Variants in OR8B2 observed in about 807,000 individuals in gnomAD.
The protein encoded by OR8B2 is olfactory receptor family 8 subfamily B member 2, also known as olfactory receptor 8B2.
For synonymous variants in OR8B2, 98 were observed against 138.2 expected (o/e 0.71, Z 2.04); for missense variants, 304 against 379.6 (o/e 0.80, Z 1.65).
the OR8B2 span, chr11:124,395,731 C>A: frequency 6.6e-6 from 1 of 152,154 alleles, no homozygotes; most frequent in Non-Finnish European, 1.5e-5. Context: ...TGTATTATTT[C>A]TCTAATCATC....
chr11:124,384,564 G>A (rs1860662929), upstream of OR8B2: 1 of 152,162 alleles, frequency 6.6e-6, no homozygotes, highest in East Asian at 1.9e-4. Flanking sequence ...ATTCTGAGGT[G>A]TAGATCAAAC....
chr11:124,396,547 G>A, the OR8B2 span: 2 of 1,613,640 alleles, frequency 1.2e-6, no homozygotes, highest in South Asian at 1.1e-5. Context: ...ACTTTTCCCT[G>A]CTCCATAGAT....
upstream of OR8B2, among the ~76,000 whole-genome samples, chr11:124,387,639 C>A (rs1332647568): frequency 5.4e-5 from 8 of 148,530 alleles, no homozygotes; most frequent in Non-Finnish European, 7.5e-5. Flanking sequence ...GGTACCCGTA[C>A]CATGCTGTTT....
At chr11:124,394,333 C>T in the OR8B2 span, among the ~76,000 whole-genome samples, 1 of 151,602 alleles carries the variant, frequency 6.6e-6, no homozygotes, top group East Asian at 1.9e-4. Context: ...TTTAGGGTCC[C>T]CTTAGAAGGA....
the OR8B2 span, among the ~76,000 whole-genome samples, chr11:124,391,348 T>C: frequency 1.3e-5 from 2 of 149,164 alleles, no homozygotes; most frequent in Non-Finnish European, 3.0e-5. Context: ...AAAGGATCAA[T>C]AAAATTGATA....
chr11:124,386,004 A>C (rs1350314271), upstream of OR8B2, among the ~76,000 whole-genome samples: 1 of 152,136 alleles, frequency 6.6e-6, no homozygotes, highest in Non-Finnish European at 1.5e-5. Context: ...TTCCAGAAAT[A>C]TCTGCTGTCG....
At chr11:124,384,633 A>T (rs1459089255), upstream of OR8B2, among the ~76,000 whole-genome samples, 1 of 152,152 alleles carries the variant, frequency 6.6e-6, no homozygotes, top group Non-Finnish European at 1.5e-5. Context: ...CAGACCCACC[A>T]TGTCCACCGT....
the OR8B2 span, chr11:124,396,899 C>A: frequency 6.2e-7 from 1 of 1,605,526 alleles, no homozygotes; most frequent in Non-Finnish European, 8.5e-7. Context: ...CAGCCAATCC[C>A]ATTATGTAAG....
chr11:124,382,956 A>G lies in OR8B2; in HGVS notation c.388T>C (p.Leu130=), dbSNP rs755193101. The stretch of plus-strand genomic sequence containing the variant: ...TGGGACATGGTGACCTTATACAGCA[A>G]TGGATTACAGATGGCCACATAGCGA... ...YDRYVAICNP[L]LYKVTMSHQV... Residue 130 remains leucine (L), a synonymous_variant, in exon 2 of 2, where the codon TTG becomes CTG. Transcript: ENST00000641451. 1.1e-5 allele frequency: 17 copies of G among 1,612,174 alleles called. No individual in the cohort carries two copies. Among genetic ancestry groups the G allele is most frequent in the South Asian group, 9.9e-5 (9 of 90,974 alleles).
At chr11:124,383,633 G>C (rs1028593514) in intron 1 of OR8B2, among the ~76,000 whole-genome samples, 3 of 152,060 alleles carry the variant, frequency 2.0e-5, no homozygotes, top group African/African-American at 7.2e-5. Context: ...GTTGAGCTTG[G>C]GTTATATGGA....
chr11:124,395,543 G>C, the OR8B2 span: 1 of 152,026 alleles, frequency 6.6e-6, no homozygotes. Flanking sequence ...AGTAACCATT[G>C]TGTAAAATAT....
rs1293391647 is a variant in OR8B2 at position 124,382,724 on chromosome 11, A to G, written c.620T>C (p.Ile207Thr). The change falls in exon 2 of 2, where the codon ATC becomes ACC. Residue 207 changes from isoleucine to threonine, a missense_variant. Physicochemically the swap from Ile to Thr is moderately conservative, Grantham distance 89. Transcript: ENST00000641451. ...GAGGATGGTACAACTGGGTACCGTG[A>G]TATTAGTACCCACAACAATGAGAAC... ...VVVLIVVGTNITVPSCTILIS... is the reference protein window; with the variant it reads ...VVVLIVVGTNTTVPSCTILIS... 6.2e-7 allele frequency: 1 copy of G among 1,613,936 alleles called. No individual in the cohort carries two copies. The highest frequency in any genetic ancestry group is 2.2e-5 in the East Asian group (1 of 44,882).
chr11:124,393,798 A>G, the OR8B2 span, among the ~76,000 whole-genome samples: 2 of 151,590 alleles, frequency 1.3e-5, no homozygotes, highest in Non-Finnish European at 2.9e-5. Context: ...ATAAAGACAC[A>G]TGCACACGTA....
At chr11:124,390,242 G>T in the OR8B2 span, among the ~76,000 whole-genome samples, 4 of 152,128 alleles carry the variant, frequency 2.6e-5, no homozygotes, top group Non-Finnish European at 5.9e-5. Flanking sequence ...ATGCAATGAG[G>T]GGGGATGGAA....
At chr11:124,395,821 G>A in the OR8B2 span, 1 of 152,578 alleles carries the variant, frequency 6.6e-6, no homozygotes, top group Non-Finnish European at 1.5e-5. Flanking sequence ...GACTGATAGA[G>A]GTTCTCAGAA....
At chr11:124,389,897 A>G in the OR8B2 span, among the ~76,000 whole-genome samples, 2 of 152,170 alleles carry the variant, frequency 1.3e-5, no homozygotes, top group Non-Finnish European at 2.9e-5. Context: ...TTATACAGAT[A>G]TTGGAAGGGG....
chr11:124,390,458 A>G, the OR8B2 span, among the ~76,000 whole-genome samples: 19 of 152,226 alleles, frequency 1.2e-4, no homozygotes, highest in Non-Finnish European at 2.4e-4. Context: ...ATAGCGGATC[A>G]GCCTTTAAAA....
At chr11:124,386,992 A>C (rs1454863921), upstream of OR8B2, among the ~76,000 whole-genome samples, 15 of 152,182 alleles carry the variant, frequency 9.9e-5, no homozygotes, top group African/African-American at 3.6e-4. Context: ...TTTGATTTGC[A>C]TTTCTCTGAT....
upstream of OR8B2, among the ~76,000 whole-genome samples, chr11:124,388,944 G>A (rs1009630922): frequency 3.2e-4 from 49 of 150,942 alleles, no homozygotes; most frequent in African/African-American, 1.0e-3. Context: ...TTCTCCCTCA[G>A]CCTCCCAAGT....
Sources: gnomAD v4.1 joint callset for allele counts (sites outside exome capture counted in the v4.1 genomes callset) on GRCh38, gnomAD v4.1.1 for gene constraint, MANE v1.5 for transcripts, NCBI Gene and HGNC (gene_info 2026-07-23, HGNC 2026-07-21) for gene names.